Variants in ACSF3 observed in about 807,000 individuals in gnomAD.
The protein encoded by ACSF3 is acyl-CoA synthetase family member 3, also known as malonate--CoA ligase ACSF3, mitochondrial.
A neutral mutation model predicts 53.2 loss-of-function variants in ACSF3; 78 were observed. The ratio of observed to expected loss-of-function variants is 1.47; its 90% CI spans 1.22 to 1.77. The LOEUF is 1.77. Among genes scored for constraint, ACSF3 ranks in the 40% most tolerant of loss-of-function variants. The probability of loss-of-function intolerance (pLI) is 0.00; values close to 1 mark genes in which losing one functional copy is unlikely to be tolerated. For synonymous variants in ACSF3, 414 were observed against 333.1 expected, an observed-to-expected ratio of 1.24 and a Z score of -2.65; for missense variants, 937 against 771.1, an observed-to-expected ratio of 1.22 and a Z score of -2.55.
chr16:89,120,907 G>T lies in ACSF3; in HGVS notation c.1233G>T (p.Gly411=). 6.2e-7 allele frequency: 1 copy of T among 1,613,734 alleles called. No homozygotes were observed. ...TCCACGCAGAGGGAGACGAGAGGGG[G>T]ACCAAGGTAAGCCACTCTGCTCTTG... is the stretch of plus-strand genomic sequence containing the variant. ...YTIHAEGDER[G]TKVTPGFEEK... The change falls in exon 7 of 11, where the codon GGG becomes GGT. Residue 411 remains glycine (G), a synonymous_variant. Transcript: ENST00000614302.
chr16:89,155,000 C>G lies in ACSF3; in HGVS notation c.*793C>G. The G allele has an allele frequency of 2.2e-6, 1 of 454,146 alleles. No homozygotes were observed. Among genetic ancestry groups the G allele is most frequent in the Non-Finnish European group, 4.4e-6 (1 of 226,794 alleles). 28.1% of individuals were successfully genotyped at this position (454,146 alleles called of 1,614,324 possible). On this transcript the variant is annotated 3_prime_UTR_variant, in exon 11 of 11. Transcript: ENST00000614302. ...CAGACCCCCACCTGCCCCATGGCCCCCATTTCATGTCTGTGGCTCACCAGC... is the reference window on the plus strand; with the variant it reads ...CAGACCCCCACCTGCCCCATGGCCCGCATTTCATGTCTGTGGCTCACCAGC...
intron 7 of ACSF3, among the ~76,000 whole-genome samples, chr16:89,126,263 G>A (rs1053868182): frequency 6.6e-6 from 1 of 152,038 alleles, no homozygotes; most frequent in Admixed American, 6.6e-5. Flanking sequence ...AGGTGGGTAT[G>A]GGGGGAGAGT....
chr16:89,155,861 C>T lies in ACSF3; in HGVS notation c.*1654C>T, dbSNP rs1341699467. On this transcript the variant is annotated 3_prime_UTR_variant, in exon 11 of 11. Transcript: ENST00000614302. ...TATCCGATAGTATACATCAGTATAT[C>T]ATGCTTTCGAAATAATGAGTGTAAC... 2.3e-6 allele frequency: 1 copy of T among 428,008 alleles called. No individual in the cohort carries two copies. 26.5% of individuals were successfully genotyped at this position (428,008 alleles called of 1,614,324 possible).
chr16:89,151,081 G>A, intron 10 of ACSF3: 1 of 1,284,768 alleles, frequency 7.8e-7, no homozygotes, highest in South Asian at 1.2e-5. Flanking sequence ...AATATCGGAA[G>A]GAAACGAAAC....
intron 4 of ACSF3, among the ~76,000 whole-genome samples, chr16:89,104,304 G>A (rs1375810846): frequency 6.6e-6 from 1 of 152,254 alleles, no homozygotes; most frequent in African/African-American, 2.4e-5. Context: ...TCTCAGCACA[G>A]AGGAGCCCAT....
chr16:89,137,676 G>T (rs1047689092), intron 8 of ACSF3, among the ~76,000 whole-genome samples: 1 of 151,938 alleles, frequency 6.6e-6, no homozygotes, highest in African/African-American at 2.4e-5. Flanking sequence ...CCAGGTCCCA[G>T]GAGGACCACC....
rs1914486906 is a variant in ACSF3, at chr16:89,154,367, G to C, written c.*160G>C. 2.6e-6 allele frequency: 2 copies of C among 759,652 alleles called. No individual in the cohort carries two copies. Among genetic ancestry groups the C allele is most frequent in the Non-Finnish European group, 4.5e-6 (2 of 441,400 alleles). 47.1% of individuals were successfully genotyped at this position (759,652 alleles called of 1,614,324 possible). On this transcript the variant is annotated 3_prime_UTR_variant, in exon 11 of 11. Coordinates refer to ENST00000614302, the MANE Select transcript of ACSF3 (RefSeq NM_001243279.3). ...CTGTTTGGGATGAAATCACCATGTG[G>C]GGTCCCCAGCCTCGGGCCAGTTGTT...
At chr16:89,097,310 C>A (rs1027751800) in intron 1 of ACSF3, among the ~76,000 whole-genome samples, 4 of 152,212 alleles carry the variant, frequency 2.6e-5, no homozygotes, top group Non-Finnish European at 5.9e-5. Flanking sequence ...CTTTTATGTG[C>A]TTCTGTCATA....
chr16:89,132,022 A>G (rs1241648270), intron 7 of ACSF3, among the ~76,000 whole-genome samples: 1 of 152,104 alleles, frequency 6.6e-6, no homozygotes. Flanking sequence ...GGGTGGCGTC[A>G]GCCCCTCCTG....
At chr16:89,151,912 T>G (rs1451864386) in intron 10 of ACSF3, 1 of 152,232 alleles carries the variant, frequency 6.6e-6, no homozygotes, top group East Asian at 1.9e-4. Flanking sequence ...TTCACCATAT[T>G]TACAGAATGA....
Position 89,155,840 on chromosome 16 carries a change from C to T in ACSF3, c.*1633C>T, listed in dbSNP as rs1914658010. 4 of 451,314 alleles carry T rather than the reference C, an allele frequency of 8.9e-6. No homozygotes were observed. The highest frequency in any genetic ancestry group is 1.6e-5 in the South Asian group (1 of 64,106). 28.0% of individuals were successfully genotyped at this position (451,314 alleles called of 1,614,324 possible). On this transcript the variant is annotated 3_prime_UTR_variant, in exon 11 of 11. Transcript: ENST00000614302. Reference sequence around the variant, plus strand: ...AGCTTACATAATCATTTGCTTTATCCGATAGTATACATCAGTATATCATGC... The same window carrying T: ...AGCTTACATAATCATTTGCTTTATCTGATAGTATACATCAGTATATCATGC...
chr16:89,114,611 A>G, intron 6 of ACSF3, 124 bp downstream of exon 6: 1 of 1,434,472 alleles, frequency 7.0e-7, no homozygotes, highest in Non-Finnish European at 9.6e-7. Flanking sequence ...CCCGTGGGAC[A>G]GGCCACTCGG....
At position 89,145,308 on chromosome 16, in the gene ACSF3, G is replaced by A; in HGVS notation, c.1408G>A (p.Gly470Ser). The A allele has an allele frequency of 1.9e-6, 3 of 1,614,192 alleles. No homozygotes were observed. The highest frequency in any genetic ancestry group is 2.2e-5 in the South Asian group (2 of 91,084). ...TAAGGATGGCCAGTACTGGATCCGA[G>A]GCCGGACCTCAGTGGACATCATCAA... Reference protein sequence around the residue: ...VFKDGQYWIRGRTSVDIIKTG... With the variant: ...VFKDGQYWIRSRTSVDIIKTG... The change falls in exon 9 of 11, where the codon GGC (glycine) becomes AGC (serine). Residue 470 changes from glycine (G) to serine (S), a missense_variant. Coordinates refer to ENST00000614302, the MANE Select transcript of ACSF3 (RefSeq NM_001243279.3).
chr16:89,100,536 T>C, intron 2 of ACSF3, 126 bp from the exon 3 acceptor site: 1 of 967,848 alleles, frequency 1.0e-6, no homozygotes, highest in Non-Finnish European at 1.5e-6. Context: ...TCTGGTGCGC[T>C]GCCTCATGAC....
At chr16:89,103,810 G>T (rs1218986540) in intron 4 of ACSF3, among the ~76,000 whole-genome samples, 1 of 152,202 alleles carries the variant, frequency 6.6e-6, no homozygotes, top group African/African-American at 2.4e-5. Flanking sequence ...GTCTCCCTTG[G>T]AGCAGGCAGG....
At chr16:89,103,422 G>C (rs138661392) in intron 4 of ACSF3, among the ~76,000 whole-genome samples, 1 of 152,240 alleles carries the variant, frequency 6.6e-6, no homozygotes, top group South Asian at 2.1e-4. Flanking sequence ...TCTGGAGGCC[G>C]CCTGTGCCCT....
intron 6 of ACSF3, among the ~76,000 whole-genome samples, chr16:89,119,469 G>A (rs938658739): frequency 1.3e-5 from 2 of 152,236 alleles, no homozygotes; most frequent in African/African-American, 4.8e-5. Flanking sequence ...AGGGGAAGTG[G>A]GGGGCTGTGC....
intron 4 of ACSF3, among the ~76,000 whole-genome samples, chr16:89,104,830 C>G (rs1304119023): frequency 6.6e-6 from 1 of 152,228 alleles, no homozygotes; most frequent in Non-Finnish European, 1.5e-5. Flanking sequence ...CAAGGTCTCA[C>G]AAGAGAAGCC....
chr16:89,145,150 C>T (rs1168193075), intron 8 of ACSF3, 117 bp from the exon 9 acceptor site: 1 of 1,610,678 alleles, frequency 6.2e-7, no homozygotes, highest in Non-Finnish European at 8.5e-7. Flanking sequence ...ACCAGAGCCC[C>T]CTTTCCTCAG....
Sources: gnomAD v4.1 joint callset for allele counts (sites outside exome capture counted in the v4.1 genomes callset) on GRCh38, gnomAD v4.1.1 for gene constraint, MANE v1.5 for transcripts, NCBI Gene and HGNC (gene_info 2026-07-23, HGNC 2026-07-21) for gene names.